WIPF1: variants seen among roughly 807,000 people sequenced by gnomAD.
WIPF1 encodes WAS/WASL interacting protein family member 1.
A neutral mutation model predicts 35.4 loss-of-function variants in WIPF1; 13 were observed. The observed-to-expected ratio is 0.37, with a 90% CI of 0.24 to 0.58. The LOEUF (loss-of-function observed/expected upper bound fraction) is 0.58. WIPF1 is among the 20% of genes least tolerant of loss of function. WIPF1 has a pLI of 0.74. For missense variants in WIPF1, 591 were observed against 667.0 expected (o/e 0.89, Z 1.25); for synonymous variants, 267 against 266.3 (o/e 1.00, Z -0.02).
intron 1 of WIPF1, among the ~76,000 whole-genome samples, chr2:174,657,774 G>A (rs1168723452): frequency 1.3e-5 from 2 of 152,028 alleles, no homozygotes; most frequent in Non-Finnish European, 2.9e-5. Flanking sequence ...GCTGGGCGTG[G>A]TGGTGCATGC....
At chr2:174,661,667 C>T (rs1358411619) in intron 1 of WIPF1, among the ~76,000 whole-genome samples, 1 of 152,186 alleles carries the variant, frequency 6.6e-6, no homozygotes, top group Admixed American at 6.5e-5. Context: ...TGTTTGTTTC[C>T]TGTGTGTTTT....
chr2:174,620,213 A>G (rs1686632785), intron 1 of WIPF1, among the ~76,000 whole-genome samples: 1 of 152,238 alleles, frequency 6.6e-6, no homozygotes, highest in Admixed American at 6.5e-5. Flanking sequence ...TCACTGAGTA[A>G]ACAGCTTCAG....
At chr2:174,588,888 G>A (rs548556016) in intron 1 of WIPF1, among the ~76,000 whole-genome samples, 81 of 152,290 alleles carry the variant, frequency 5.3e-4, no homozygotes, top group Non-Finnish European at 9.0e-4. Flanking sequence ...CTTCCTCTGC[G>A]AACTTGTTTG....
chr2:174,627,525 T>A (rs1432564130), intron 1 of WIPF1, among the ~76,000 whole-genome samples: 2 of 143,976 alleles, frequency 1.4e-5, no homozygotes, highest in East Asian at 4.6e-4. Flanking sequence ...CTTCCCTCCC[T>A]CCTTCTCTCT....
rs1426550661 is a variant in WIPF1, at chr2:174,562,144, G to A, written c.*403C>T. The A allele has an allele frequency of 6.4e-7, 1 of 1,550,600 alleles. No homozygotes were observed. The highest frequency in any genetic ancestry group is 2.0e-5 in the Admixed American group (1 of 51,004). The stretch of plus-strand genomic sequence containing the variant: ...AGGTGGTCTGTGGTTCATAGAAACA[G>A]AGAGGAGGCCAAGCATGCGAAAAAG... On this transcript the variant is annotated 3_prime_UTR_variant, in exon 8 of 8. Coordinates refer to ENST00000679041, the MANE Select transcript of WIPF1 (RefSeq NM_001375834.1).
At chr2:174,573,381 A>C (rs1265543743) in intron 4 of WIPF1, among the ~76,000 whole-genome samples, 1 of 152,230 alleles carries the variant, frequency 6.6e-6, no homozygotes, top group African/African-American at 2.4e-5. Flanking sequence ...AGAGGAGTAA[A>C]CAGAATAGAA....
At chr2:174,660,215 G>A (rs1389846822) in intron 1 of WIPF1, among the ~76,000 whole-genome samples, 2 of 152,152 alleles carry the variant, frequency 1.3e-5, no homozygotes, top group African/African-American at 4.8e-5. Flanking sequence ...CACAGTGGGT[G>A]GAATTCTTCT....
intron 1 of WIPF1, chr2:174,634,389 G>A (rs1296115265): frequency 2.0e-5 from 3 of 152,184 alleles, no homozygotes; most frequent in African/African-American, 7.2e-5. Context: ...GCTGTGCGCT[G>A]GCTCTTACAT....
rs778248253 is a variant in WIPF1, at chr2:174,560,238, G to A, written c.*2309C>T. The A allele has an allele frequency of 6.6e-6, 1 of 152,594 alleles. No homozygotes were observed. The highest frequency in any genetic ancestry group is 1.5e-5 in the Non-Finnish European group (1 of 68,006). 9.5% of individuals were successfully genotyped at this position (152,594 alleles called of 1,614,324 possible). The stretch of plus-strand genomic sequence containing the variant: ...AAACTTTCAAAGAAAGGGTGTAGGT[G>A]TATTAATGAAACAGTCACTTAAACA... On this transcript the variant is annotated 3_prime_UTR_variant, in exon 8 of 8. Coordinates refer to ENST00000679041, the MANE Select transcript of WIPF1 (RefSeq NM_001375834.1).
At chr2:174,588,554 T>A (rs1286592423) in intron 1 of WIPF1, among the ~76,000 whole-genome samples, 1 of 152,162 alleles carries the variant, frequency 6.6e-6, no homozygotes, top group Non-Finnish European at 1.5e-5. Context: ...GTTGCTGCTG[T>A]TTTAGTACTG....
At chr2:174,565,240 A>G (rs567255793) in intron 7 of WIPF1, among the ~76,000 whole-genome samples, 1 of 152,198 alleles carries the variant, frequency 6.6e-6, no homozygotes, top group Non-Finnish European at 1.5e-5. Flanking sequence ...TAATTTTATT[A>G]TAGCTATACT....
chr2:174,622,345 A>G lies in WIPF1; in HGVS notation c.-38-36734T>C, dbSNP rs1396485076. Among the ~76,000 whole-genome samples, 2 of 152,254 alleles carry G rather than the reference A, an allele frequency of 1.3e-5. No homozygotes were observed. Among genetic ancestry groups the G allele is most frequent in the African/African-American group, 2.4e-5 (1 of 41,474 alleles). The stretch of plus-strand genomic sequence containing the variant: ...CCTAAAAAAATCTAAAGACATATTT[A>G]GTGTCATCCTAAGTAACTATATCCA... On this transcript the variant is annotated intron_variant, in intron 1 of 8. Coordinates refer to the WIPF1 transcript ENST00000272746. The surrounding 1 kb of genome is among the most constrained non-coding windows in gnomAD (Gnocchi z 5.1).
intron 7 of WIPF1, chr2:174,566,544 AAAAC>A (rs1302230886): frequency 6.6e-6 from 1 of 152,336 alleles, no homozygotes; most frequent in Non-Finnish European, 1.5e-5. Flanking sequence ...ACTACATAAA[AAAAC>A]AGAATTATAT....
Position 174,571,721 on chromosome 2 carries a change from T to C in WIPF1, c.1084A>G (p.Ser362Gly), listed in dbSNP as rs147847123. 33 of 1,613,840 alleles carry C rather than the reference T, an allele frequency of 2.0e-5. No homozygotes were observed. In the African/African-American group the frequency reaches 4.4e-4, roughly 22 times the overall value. The change falls in exon 5 of 8, where the codon AGT becomes GGT. Residue 362 changes from serine (S) to glycine (G), a missense_variant. Physicochemically the swap from Ser to Gly is moderately conservative, Grantham distance 56. Around this residue, in one of 3 missense-constraint regions of WIPF1, gnomAD observed 471 missense variants for 501.1 expected, o/e 0.94. Coordinates refer to ENST00000679041, the MANE Select transcript of WIPF1 (RefSeq NM_001375834.1). This position sits in a 1 kb window ranked among gnomAD's most constrained non-coding sequence, Gnocchi z 4.6. Reference sequence around the variant, plus strand: ...CTCACTGGAGGTGGGGGTCTCTCACTGGGCGGGGGAGGAAGAGGACCTGAA... The same window carrying C: ...CTCACTGGAGGTGGGGGTCTCTCACCGGGCGGGGGAGGAAGAGGACCTGAA... The part of the protein sequence containing the change: ...GRSGPLPPPP[S>G]ERPPPPVRDP...
chr2:174,564,626 T>C (rs1449444979), intron 7 of WIPF1, among the ~76,000 whole-genome samples: 3 of 152,130 alleles, frequency 2.0e-5, no homozygotes, highest in Admixed American at 6.6e-5. Context: ...ATTAAAGATC[T>C]AGAGGGTACA....
At chr2:174,583,557 A>G (rs1164230375) in intron 2 of WIPF1, among the ~76,000 whole-genome samples, 2 of 152,188 alleles carry the variant, frequency 1.3e-5, no homozygotes, top group Non-Finnish European at 2.9e-5. Flanking sequence ...TATTCTATTT[A>G]TCCAAAATCT....
chr2:174,593,235 TC>T (rs1209955527), intron 1 of WIPF1, among the ~76,000 whole-genome samples: 1 of 151,624 alleles, frequency 6.6e-6, no homozygotes, highest in Non-Finnish European at 1.5e-5. Flanking sequence ...TCTCTCTCCC[TC>T]TCTCTCTCTG....
intron 1 of WIPF1, among the ~76,000 whole-genome samples, chr2:174,615,376 A>G (rs1436218490): frequency 6.6e-6 from 1 of 152,242 alleles, no homozygotes; most frequent in Non-Finnish European, 1.5e-5. Context: ...CATAACAATC[A>G]CTATAAATGT....
intron 1 of WIPF1, among the ~76,000 whole-genome samples, chr2:174,605,346 G>A (rs577084715): frequency 8.0e-4 from 122 of 152,298 alleles, no homozygotes; most frequent in Non-Finnish European, 1.5e-3. Flanking sequence ...GCTAAGGCAG[G>A]AGAATTGCTT....
Sources: allele counts gnomAD v4.1 joint callset (sites outside exome capture counted in the v4.1 genomes callset), GRCh38; gene constraint gnomAD v4.1.1; regional missense constraint gnomAD v4.1.1; non-coding constraint Gnocchi (gnomAD v3.1); transcripts MANE v1.5; gene names NCBI Gene and HGNC (gene_info 2026-07-23, HGNC 2026-07-21).